The following TLK2 variants were observed in gnomAD, a reference collection of about 807,000 sequenced individuals.
TLK2 encodes tousled like kinase 2, also known as serine/threonine-protein kinase tousled-like 2.
TLK2 carries 6 observed loss-of-function variants against 117.3 expected under a neutral mutation model. The observed-to-expected ratio is 0.05, with a 90% CI of 0.03 to 0.10. The LOEUF is 0.10. Among genes scored for constraint, TLK2 ranks in the 10% least tolerant of loss-of-function variants. The probability of loss-of-function intolerance (pLI) is 1.00; values close to 1 mark genes in which losing one functional copy is unlikely to be tolerated. For missense variants in TLK2, 299 were observed against 901.2 expected (o/e 0.33, Z 8.56); for synonymous variants, 257 against 316.7 (o/e 0.81, Z 2.00).
chr17:62,483,916 C>T (rs2072008137), intron 2 of TLK2, among the ~76,000 whole-genome samples: 2 of 152,076 alleles, frequency 1.3e-5, no homozygotes, highest in Non-Finnish European at 2.9e-5. Context: ...ATCTCTGCCT[C>T]CCGGGTTCAA....
At chr17:62,499,466 A>AT (rs1354558849) in intron 2 of TLK2, among the ~76,000 whole-genome samples, 1 of 151,960 alleles carries the variant, frequency 6.6e-6, no homozygotes, top group Non-Finnish European at 1.5e-5. Flanking sequence ...TGCCCAGCCT[A>AT]TTTTTTACCT....
chr17:62,595,435 T>C (rs1050947448), intron 16 of TLK2, among the ~76,000 whole-genome samples: 1 of 152,144 alleles, frequency 6.6e-6, no homozygotes, highest in African/African-American at 2.4e-5. Flanking sequence ...TGCTAGACTT[T>C]AATATGGCTG....
At chr17:62,552,163 C>T (rs958919348) in intron 7 of TLK2, 139 bp from the exon 8 acceptor site, 19 of 875,644 alleles carry the variant, frequency 2.2e-5, no homozygotes, top group African/African-American at 6.8e-5. Flanking sequence ...TTCTTGGCCA[C>T]GTGGCCCTGA....
chr17:62,594,963 G>T (rs1448325462), intron 16 of TLK2, among the ~76,000 whole-genome samples: 2 of 152,136 alleles, frequency 1.3e-5, no homozygotes, highest in Non-Finnish European at 2.9e-5. Flanking sequence ...TGCCGACCAG[G>T]AATTGATTTT....
At chr17:62,578,441 C>T in intron 13 of TLK2, 36 bp from the exon 14 acceptor site, 1 of 1,549,130 alleles carries the variant, frequency 6.5e-7, no homozygotes, top group Non-Finnish European at 8.9e-7. Flanking sequence ...GTAAAGTTCC[C>T]CCTATTTTGT....
At chr17:62,588,721 C>G (rs9891289) in intron 16 of TLK2, among the ~76,000 whole-genome samples, 96,029 of 151,890 alleles carry the variant, frequency 0.63, 30,568 homozygotes, top group East Asian at 0.82. Flanking sequence ...AGTACCTCCA[C>G]CTTTCTTTTG....
intron 7 of TLK2, among the ~76,000 whole-genome samples, chr17:62,545,357 A>G (rs1471060782): frequency 1.3e-5 from 2 of 152,322 alleles, no homozygotes; most frequent in East Asian, 3.9e-4. Context: ...CTGTGTGTAA[A>G]CATATTAGCT....
rs1247163734 is a variant in TLK2, at chr17:62,614,355, G to A, written c.*1790G>A. 1 of 152,176 alleles carries A rather than the reference G, an allele frequency of 6.6e-6. No individual in the cohort carries two copies. Among genetic ancestry groups the A allele is most frequent in the African/African-American group, 2.4e-5 (1 of 41,422 alleles). 9.4% of individuals were successfully genotyped at this position (152,176 alleles called of 1,614,324 possible). On this transcript the variant is annotated 3_prime_UTR_variant, in exon 22 of 22. Transcript: ENST00000346027. Reference sequence around the variant, plus strand: ...GTGGTCGCCAGCTTGGAATGTTACTGACATATGTGGCGAGGGCTTAGCCAG... The same window carrying A: ...GTGGTCGCCAGCTTGGAATGTTACTAACATATGTGGCGAGGGCTTAGCCAG...
intron 20 of TLK2, among the ~76,000 whole-genome samples, chr17:62,607,795 A>G: frequency 6.6e-6 from 1 of 152,210 alleles, no homozygotes; most frequent in African/African-American, 2.4e-5. Context: ...AGGATATAGG[A>G]GATGCTGCTT....
chr17:62,599,530 G>C (rs558481589), intron 17 of TLK2, among the ~76,000 whole-genome samples: 1 of 152,290 alleles, frequency 6.6e-6, no homozygotes, highest in Admixed American at 6.5e-5. Flanking sequence ...GCAGAAATGG[G>C]AGGGGGTCTC....
At chr17:62,502,507 A>G (rs996615822) in intron 2 of TLK2, among the ~76,000 whole-genome samples, 1 of 152,192 alleles carries the variant, frequency 6.6e-6, no homozygotes, top group African/African-American at 2.4e-5. Context: ...TGTTTTCGCA[A>G]CCTCTATTAA....
At position 62,481,205 on chromosome 17, in the gene TLK2, A is replaced by G; in HGVS notation, c.80A>G (p.Lys27Arg). The change falls in exon 2 of 22, where the codon AAG (lysine) becomes AGG (arginine). Residue 27 changes from lysine to arginine, a missense_variant and splice_region_variant. By Grantham distance (26) the Lys-to-Arg change is conservative. Transcript: ENST00000346027. ...AGGTTTACTGGAGTAGGTGTTAGTA[A>G]GGTGAGTAAAATGATGATCATGAAC... Reference protein sequence around the residue: ...EARFTGVGVSKGPLNSESSNQ... With the variant: ...EARFTGVGVSRGPLNSESSNQ... 2.5e-6 allele frequency: 4 copies of G among 1,613,872 alleles called. No homozygotes were observed. In the African/African-American group the frequency reaches 5.3e-5, roughly 22 times the overall value.
At position 62,594,681 on chromosome 17, in the gene TLK2, ACCCACTCATTC is replaced by A. The variant is rs552443740; in HGVS notation, c.1461-1895_1461-1885del. ...GTTTAATAGAAACAAGGTAACATTT[ACCCACTCATTC>A]CCCACTCAGGGTTGAGGGTGGCCAG... is the stretch of plus-strand genomic sequence containing the variant. On this transcript the variant is annotated intron_variant, in intron 16 of 21. Coordinates refer to ENST00000346027, the MANE Select transcript of TLK2 (RefSeq NM_006852.6). 6.8e-4 allele frequency among the ~76,000 whole-genome samples: 104 copies of A among 152,178 alleles called. 1 individual carries two copies. The highest frequency in any genetic ancestry group is 2.3e-3 in the African/African-American group (97 of 41,448).
At chr17:62,598,658 AG>A (rs1567999541) in intron 17 of TLK2, among the ~76,000 whole-genome samples, 1 of 149,784 alleles carries the variant, frequency 6.7e-6, no homozygotes, top group Non-Finnish European at 1.5e-5. Context: ...CCATGTAGCT[AG>A]GATTACAGAT....
chr17:62,588,882 C>T (rs1457463098), intron 16 of TLK2, among the ~76,000 whole-genome samples: 1 of 152,096 alleles, frequency 6.6e-6, no homozygotes, highest in Non-Finnish European at 1.5e-5. Flanking sequence ...TTTAAAAATT[C>T]AGTATTAAAC....
At chr17:62,580,617 A>G (rs544299947) in intron 15 of TLK2, among the ~76,000 whole-genome samples, 42 of 152,198 alleles carry the variant, frequency 2.8e-4, no homozygotes, top group Non-Finnish European at 4.7e-4. Flanking sequence ...GAAGTGTTCT[A>G]ATATCATTTA....
intron 11 of TLK2, among the ~76,000 whole-genome samples, chr17:62,572,378 C>G (rs1028407684): frequency 4.0e-5 from 6 of 150,794 alleles, no homozygotes; most frequent in Non-Finnish European, 8.8e-5. Context: ...GTCTGTAAAC[C>G]TTAATATCTG....
chr17:62,538,723 T>C (rs1297544689), intron 7 of TLK2, among the ~76,000 whole-genome samples: 1 of 152,198 alleles, frequency 6.6e-6, no homozygotes, highest in Admixed American at 6.5e-5. Context: ...AATGATCATG[T>C]ATGAAGAAGG....
chr17:62,517,634 G>A (rs1343917977), intron 2 of TLK2, among the ~76,000 whole-genome samples: 6 of 150,428 alleles, frequency 4.0e-5, no homozygotes, highest in African/African-American at 1.5e-4. Flanking sequence ...CGCCCGCCTC[G>A]GCCTCCCAAA....
Sources: gnomAD v4.1 joint callset for allele counts (sites outside exome capture counted in the v4.1 genomes callset) on GRCh38, gnomAD v4.1.1 for gene constraint, MANE v1.5 for transcripts, NCBI Gene and HGNC (gene_info 2026-07-23, HGNC 2026-07-21) for gene names.